Variants in OLFM3 observed in about 807,000 individuals in gnomAD.
OLFM3 encodes noelin-3.
Under a neutral mutation model 48.6 loss-of-function variants are expected in OLFM3, and 20 were observed. The ratio of observed to expected loss-of-function variants is 0.41; its 90% CI spans 0.29 to 0.60. OLFM3 has a LOEUF of 0.60. OLFM3 is among the 20% of genes least tolerant of loss of function. OLFM3 has a pLI of 0.28. For missense variants in OLFM3, 437 were observed against 544.3 expected (o/e 0.80, Z 1.96); for synonymous variants, 222 against 198.1 (o/e 1.12, Z -1.01).
chr1:101,959,697 G>C (rs1020016725), intron 1 of OLFM3, among the ~76,000 whole-genome samples: 1 of 152,116 alleles, frequency 6.6e-6, no homozygotes, highest in Admixed American at 6.6e-5. Flanking sequence ...TCTCCAATGA[G>C]GCTAGATAGC....
chr1:101,861,208 C>A (rs563126975), intron 1 of OLFM3, among the ~76,000 whole-genome samples: 4 of 152,012 alleles, frequency 2.6e-5, no homozygotes, highest in South Asian at 4.2e-4. Context: ...ACTACAGGCA[C>A]CCACCACAGC....
chr1:101,805,432 A>G (rs1244543450), intron 5 of OLFM3, among the ~76,000 whole-genome samples: 1 of 151,840 alleles, frequency 6.6e-6, no homozygotes, highest in African/African-American at 2.4e-5. Context: ...AAACCATTTT[A>G]CTAACTTAAT....
At chr1:101,906,409 T>A (rs867910686) in intron 1 of OLFM3, among the ~76,000 whole-genome samples, 5 of 152,232 alleles carry the variant, frequency 3.3e-5, no homozygotes, top group Middle Eastern at 3.4e-3. Flanking sequence ...ATATCTTTTA[T>A]GTTACCAAAG....
rs186716457 is a variant in OLFM3, at chr1:101,896,711, A to G, written c.70-59686T>C. Among the ~76,000 whole-genome samples, 1,053 of 129,608 alleles carry G rather than the reference A, an allele frequency of 8.1e-3. 10 individuals are homozygous for G. Among genetic ancestry groups the G allele is most frequent in the African/African-American group, 0.029 (981 of 34,052 alleles). 85.0% of individuals were successfully genotyped at this position (129,608 alleles called of 152,430 possible). A position where few individuals can be genotyped will look rare whatever the true frequency, so the allele number is the denominator to read the frequency against. On this transcript the variant is annotated intron_variant, in intron 1 of 5. Coordinates refer to ENST00000370103, the MANE Select transcript of OLFM3 (RefSeq NM_058170.4). The stretch of plus-strand genomic sequence containing the variant: ...TTTTTTTTAGTAGAGACGGGGTTTC[A>G]CCGTGGTCTCGATCTCCTGACCTTG...
At chr1:101,964,446 T>G (rs1287476115) in intron 1 of OLFM3, among the ~76,000 whole-genome samples, 1 of 152,176 alleles carries the variant, frequency 6.6e-6, no homozygotes, top group African/African-American at 2.4e-5. Context: ...TTTTTGCAAA[T>G]TTATAAGAGA....
At chr1:101,870,266 G>A (rs1356641442) in intron 1 of OLFM3, among the ~76,000 whole-genome samples, 1 of 152,104 alleles carries the variant, frequency 6.6e-6, no homozygotes, top group African/African-American at 2.4e-5. Flanking sequence ...CTCAAGGGAT[G>A]TTGTTCATTA....
At chr1:101,892,533 A>G (rs578017804) in intron 1 of OLFM3, among the ~76,000 whole-genome samples, 1 of 152,042 alleles carries the variant, frequency 6.6e-6, no homozygotes, top group Non-Finnish European at 1.5e-5. Context: ...AAATTAAACA[A>G]TTTGATTTAC....
intron 1 of OLFM3, among the ~76,000 whole-genome samples, chr1:101,849,382 C>T (rs987764754): frequency 3.9e-5 from 6 of 152,172 alleles, no homozygotes; most frequent in Non-Finnish European, 7.3e-5. Context: ...TGCAGAAGTT[C>T]CACAAGCATA....
At chr1:101,940,779 C>T (rs1356058912) in intron 1 of OLFM3, among the ~76,000 whole-genome samples, 1 of 149,552 alleles carries the variant, frequency 6.7e-6, no homozygotes, top group African/African-American at 2.5e-5. Context: ...TATATATATA[C>T]ACACAAATGT....
At chr1:101,854,708 G>A (rs899510097) in intron 1 of OLFM3, among the ~76,000 whole-genome samples, 1 of 151,922 alleles carries the variant, frequency 6.6e-6, no homozygotes, top group African/African-American at 2.4e-5. Context: ...TTCCTATCTA[G>A]CCCCTTTCAT....
At chr1:101,976,720 T>C (rs567542385) in intron 1 of OLFM3, among the ~76,000 whole-genome samples, 4 of 152,306 alleles carry the variant, frequency 2.6e-5, no homozygotes, top group Non-Finnish European at 5.9e-5. Context: ...TTCATCTCCA[T>C]ATCATGAGTT....
rs866843419 is a variant in OLFM3, at chr1:101,984,909, A to G, written c.69+11839T>C. Among the ~76,000 whole-genome samples, 3 of 152,368 alleles carry G rather than the reference A, an allele frequency of 2.0e-5. No homozygotes were observed. The South Asian group carries it at 6.2e-4, about 32-fold the overall frequency. On this transcript the variant is annotated intron_variant, in intron 1 of 5. Coordinates refer to ENST00000370103, the MANE Select transcript of OLFM3 (RefSeq NM_058170.4). ...TGTATTAGTTTCTATTGTTGCTGTA[A>G]CAAATTACCACAAACCTAATGGTTT... is the stretch of plus-strand genomic sequence containing the variant.
chr1:101,837,444 T>C (rs966055969), intron 1 of OLFM3, among the ~76,000 whole-genome samples: 3 of 152,170 alleles, frequency 2.0e-5, no homozygotes, highest in Non-Finnish European at 2.9e-5. Flanking sequence ...AATTCATGTG[T>C]GATATTCTGA....
chr1:101,969,166 G>A (rs1474581449), intron 1 of OLFM3, among the ~76,000 whole-genome samples: 1 of 151,850 alleles, frequency 6.6e-6, no homozygotes, highest in East Asian at 1.9e-4. Context: ...TTTTATTTTT[G>A]AGACAAGGTC....
intron 1 of OLFM3, among the ~76,000 whole-genome samples, chr1:101,979,331 C>T (rs1344916434): frequency 6.6e-6 from 1 of 152,086 alleles, no homozygotes; most frequent in Non-Finnish European, 1.5e-5. Context: ...GGCTCTGTGT[C>T]CCCACCTAAA....
At chr1:101,934,445 A>G (rs1659548649) in intron 1 of OLFM3, among the ~76,000 whole-genome samples, 1 of 152,212 alleles carries the variant, frequency 6.6e-6, no homozygotes, top group African/African-American at 2.4e-5. Context: ...GTGCACATAT[A>G]TACACACAGC....
intron 1 of OLFM3, among the ~76,000 whole-genome samples, chr1:101,981,135 C>A (rs1367314704): frequency 1.3e-5 from 2 of 152,184 alleles, no homozygotes; most frequent in African/African-American, 4.8e-5. Flanking sequence ...GTCCTCCTTG[C>A]TGCTAATTGC....
chr1:101,882,251 C>T (rs1338738633), intron 1 of OLFM3, among the ~76,000 whole-genome samples: 1 of 148,660 alleles, frequency 6.7e-6, no homozygotes, highest in Non-Finnish European at 1.5e-5. Flanking sequence ...ATGTTATATC[C>T]AAAAATTTAT....
chr1:101,812,586 G>A (rs371325730), intron 4 of OLFM3: 2 of 985,392 alleles, frequency 2.0e-6, no homozygotes, highest in Non-Finnish European at 2.4e-6. Context: ...TTATCTAATC[G>A]ACATTTCCAA....
Sources: allele counts gnomAD v4.1 joint callset (sites outside exome capture counted in the v4.1 genomes callset), GRCh38; gene constraint gnomAD v4.1.1; transcripts MANE v1.5; gene names NCBI Gene and HGNC (gene_info 2026-07-23, HGNC 2026-07-21).